The following DIP2C variants were observed in gnomAD, a reference collection of about 807,000 sequenced individuals.
DIP2C encodes DIP2 acetate--CoA ligase C (putative), also known as disco-interacting protein 2 homolog C.
A neutral mutation model predicts 192.4 loss-of-function variants in DIP2C; 33 were observed. The observed-to-expected ratio is 0.17, with a 90% CI of 0.13 to 0.23. The LOEUF (loss-of-function observed/expected upper bound fraction) is 0.23. DIP2C is among the 10% of genes least tolerant of loss of function. The pLI is 1.00. For missense variants in DIP2C, 1,537 were observed against 2,110.1 expected (o/e 0.73, Z 5.32); for synonymous variants, 979 against 864.1 (o/e 1.13, Z -2.33).
intron 3 of DIP2C, among the ~76,000 whole-genome samples, chr10:441,945 ACGGGG>A (rs1429120746): frequency 7.5e-5 from 5 of 66,872 alleles, no homozygotes. Flanking sequence ...CAGGTGACAG[ACGGGG>A]TAGAGAATTA....
intron 1 of DIP2C, among the ~76,000 whole-genome samples, chr10:592,688 A>G (rs1851472097): frequency 6.6e-6 from 1 of 152,162 alleles, no homozygotes; most frequent in Admixed American, 6.5e-5. Flanking sequence ...ACTATTTTTA[A>G]TTCTTTGTAA....
intron 1 of DIP2C, among the ~76,000 whole-genome samples, chr10:491,471 G>A (rs79064938): frequency 0.022 from 3,322 of 152,290 alleles, 118 homozygotes; most frequent in African/African-American, 0.076. Context: ...ATCTCCGATA[G>A]GCTTCTTCGT....
At chr10:523,486 A>G (rs1451105970) in intron 1 of DIP2C, among the ~76,000 whole-genome samples, 1 of 141,404 alleles carries the variant, frequency 7.1e-6, no homozygotes, top group Non-Finnish European at 1.5e-5. Flanking sequence ...TGGAGTGAGG[A>G]TGCAGGGACT....
intron 1 of DIP2C, among the ~76,000 whole-genome samples, chr10:502,988 C>T (rs1409873425): frequency 1.3e-5 from 2 of 150,650 alleles, no homozygotes; most frequent in Admixed American, 6.6e-5. Context: ...GGCAGGACAC[C>T]GACCTGCAGA....
At chr10:648,778 C>T (rs1004991689) in intron 1 of DIP2C, among the ~76,000 whole-genome samples, 2 of 149,810 alleles carry the variant, frequency 1.3e-5, no homozygotes, top group Admixed American at 6.6e-5. Flanking sequence ...ACTGAGTCCA[C>T]GTCCACATTT....
intron 1 of DIP2C, among the ~76,000 whole-genome samples, chr10:527,709 G>A (rs1847136530): frequency 6.6e-6 from 1 of 152,214 alleles, no homozygotes; most frequent in African/African-American, 2.4e-5. Flanking sequence ...TTGGCTAAGG[G>A]ATACAAGATG....
At chr10:469,792 C>T (rs1394590199) in intron 3 of DIP2C, among the ~76,000 whole-genome samples, 1 of 152,186 alleles carries the variant, frequency 6.6e-6, no homozygotes, top group African/African-American at 2.4e-5. Flanking sequence ...GGATCAAGTC[C>T]AAATTCCCGA....
intron 1 of DIP2C, among the ~76,000 whole-genome samples, chr10:648,924 G>C (rs1855677905): frequency 6.7e-6 from 1 of 150,302 alleles, no homozygotes; most frequent in Non-Finnish European, 1.5e-5. Context: ...GTCCACATTG[G>C]ATGGTGGGAG....
chr10:568,997 C>T (rs528922057), intron 1 of DIP2C, among the ~76,000 whole-genome samples: 1 of 152,174 alleles, frequency 6.6e-6, no homozygotes, highest in Admixed American at 6.5e-5. Context: ...AAGTAAATTC[C>T]AGCATGAGGG....
At chr10:556,568 AC>A (rs1398488823) in intron 1 of DIP2C, among the ~76,000 whole-genome samples, 7 of 151,068 alleles carry the variant, frequency 4.6e-5, no homozygotes, top group Non-Finnish European at 7.4e-5. Context: ...TCCCTCACAG[AC>A]CCAGTCACTC....
chr10:289,558 T>C (rs1955368883), intron 32 of DIP2C, among the ~76,000 whole-genome samples: 1 of 152,152 alleles, frequency 6.6e-6, no homozygotes, highest in Non-Finnish European at 1.5e-5. Context: ...GTAGCCACCA[T>C]GCCCAGCCCT....
chr10:493,201 C>T (rs1476816992), intron 1 of DIP2C, among the ~76,000 whole-genome samples: 3 of 152,152 alleles, frequency 2.0e-5, no homozygotes, highest in African/African-American at 7.2e-5. Flanking sequence ...CACACAAAAC[C>T]GCTGTCATAA....
chr10:670,286 A>G (rs543609791), intron 1 of DIP2C, among the ~76,000 whole-genome samples: 123 of 152,288 alleles, frequency 8.1e-4, no homozygotes, highest in African/African-American at 2.8e-3. Flanking sequence ...ATACACACGT[A>G]CACATGCACA....
intron 1 of DIP2C, among the ~76,000 whole-genome samples, chr10:579,583 G>A (rs751563553): frequency 1.1e-4 from 16 of 151,864 alleles, no homozygotes; most frequent in African/African-American, 1.9e-4. Flanking sequence ...ATGCGTACAT[G>A]CATAGAGCAT....
At chr10:343,387 C>G (rs766531489) in intron 28 of DIP2C, among the ~76,000 whole-genome samples, 31 of 152,190 alleles carry the variant, frequency 2.0e-4, no homozygotes, top group Admixed American at 3.3e-4. Context: ...TGGGGAAATC[C>G]AAATGCCTGG....
rs1040176919 is a variant in DIP2C, at chr10:649,947, T to G, written c.85+39547A>C. 3 of 611,960 alleles carry G rather than the reference T, an allele frequency of 4.9e-6. No individual in the cohort carries two copies. In the Admixed American group the frequency reaches 8.1e-5, roughly 17 times the overall value. The allele number at this position is 611,960 out of a possible 1,614,324, so 37.9% of individuals were successfully genotyped here. On this transcript the variant is annotated intron_variant, in intron 1 of 36. Transcript: ENST00000280886. ...GCGTCACGGCGTTGCCGCACACCAT[T>G]AACACATCAAAACGGAAAAGGAAAT...
At chr10:559,124 G>C (rs1314146649) in intron 1 of DIP2C, among the ~76,000 whole-genome samples, 1 of 152,204 alleles carries the variant, frequency 6.6e-6, no homozygotes, top group Non-Finnish European at 1.5e-5. Context: ...CTTTCCACTA[G>C]AATTATGAGC....
chr10:493,834 AG>A (rs1478451304), intron 1 of DIP2C, among the ~76,000 whole-genome samples: 1 of 152,240 alleles, frequency 6.6e-6, no homozygotes, highest in Non-Finnish European at 1.5e-5. Context: ...CACAGATGAC[AG>A]TCTCAGCAAG....
intron 1 of DIP2C, among the ~76,000 whole-genome samples, chr10:580,909 C>A (rs1407131874): frequency 2.6e-5 from 4 of 152,192 alleles, no homozygotes; most frequent in African/African-American, 9.7e-5. Flanking sequence ...GACTGACTCA[C>A]GATGAAGCAC....
Sources: gnomAD v4.1 joint callset for allele counts (sites outside exome capture counted in the v4.1 genomes callset) on GRCh38, gnomAD v4.1.1 for gene constraint, MANE v1.5 for transcripts, NCBI Gene and HGNC (gene_info 2026-07-23, HGNC 2026-07-21) for gene names.